The following NEGR1 variants were observed in gnomAD, a reference collection of about 807,000 sequenced individuals.
NEGR1 encodes IgLON family member 4.
Under a neutral mutation model 40.9 loss-of-function variants are expected in NEGR1, and 10 were observed. That is an observed-to-expected ratio of 0.24 (90% confidence interval 0.15 to 0.42). The LOEUF (loss-of-function observed/expected upper bound fraction) is 0.42, where lower values mean the gene tolerates loss of function less well. Ranked by LOEUF, NEGR1 falls within the 10% of genes least tolerant of loss-of-function variation. The pLI is 1.00. For synonymous variants in NEGR1, 185 were observed against 166.8 expected (o/e 1.11, Z -0.84); for missense variants, 352 against 438.9 (o/e 0.80, Z 1.77).
At chr1:71,900,297 T>C (rs1172762372) in intron 2 of NEGR1, among the ~76,000 whole-genome samples, 2 of 152,308 alleles carry the variant, frequency 1.3e-5, no homozygotes, top group East Asian at 3.9e-4. Flanking sequence ...TGCTTTTCCC[T>C]ATTAGTCTCT....
chr1:72,238,356 C>A (rs369486874), intron 1 of NEGR1, among the ~76,000 whole-genome samples: 20 of 151,890 alleles, frequency 1.3e-4, no homozygotes, highest in African/African-American at 4.3e-4. Context: ...AGTTTAAAAT[C>A]TTCCTTAATT....
intron 1 of NEGR1, among the ~76,000 whole-genome samples, chr1:72,161,676 C>CTTTT (rs779074685): frequency 8.2e-3 from 690 of 84,502 alleles, no homozygotes; most frequent in East Asian, 0.011. Flanking sequence ...TTCTTTCTTT[C>CTTTT]TTTTTTTTTT....
At chr1:72,035,887 A>G (rs1646897438) in intron 1 of NEGR1, among the ~76,000 whole-genome samples, 1 of 152,204 alleles carries the variant, frequency 6.6e-6, no homozygotes, top group African/African-American at 2.4e-5. Flanking sequence ...TTGAGAAGGT[A>G]GAATTAAGAT....
intron 2 of NEGR1, among the ~76,000 whole-genome samples, chr1:71,903,837 T>A (rs923548940): frequency 2.6e-4 from 39 of 151,500 alleles, no homozygotes; most frequent in Admixed American, 2.2e-3. Context: ...TATATATATA[T>A]AAAAAATGAT....
At chr1:71,698,787 T>C (rs186684324) in intron 3 of NEGR1, among the ~76,000 whole-genome samples, 105 of 151,976 alleles carry the variant, frequency 6.9e-4, no homozygotes, top group Middle Eastern at 3.4e-3. Context: ...TATTTTTAAA[T>C]ATGCATGGGA....
intron 6 of NEGR1, among the ~76,000 whole-genome samples, chr1:71,592,241 A>C (rs1649526466): frequency 6.6e-6 from 1 of 152,126 alleles, no homozygotes; most frequent in African/African-American, 2.4e-5. Flanking sequence ...TTTAGTCCTT[A>C]GGAAGTAAGA....
At chr1:71,597,807 G>A (rs1448756884) in intron 5 of NEGR1, among the ~76,000 whole-genome samples, 1 of 151,862 alleles carries the variant, frequency 6.6e-6, no homozygotes, top group East Asian at 1.9e-4. Context: ...CTGCTACTCG[G>A]AGGGCTGAGG....
At chr1:71,669,526 G>A (rs1652347663) in intron 4 of NEGR1, among the ~76,000 whole-genome samples, 1 of 152,104 alleles carries the variant, frequency 6.6e-6, no homozygotes, top group Non-Finnish European at 1.5e-5. Context: ...CAAGCTTGCA[G>A]CCTTGAATTA....
At chr1:72,270,248 A>G (rs564630136) in intron 1 of NEGR1, among the ~76,000 whole-genome samples, 1 of 151,884 alleles carries the variant, frequency 6.6e-6, no homozygotes, top group African/African-American at 2.4e-5. Context: ...CTGTGGATTC[A>G]ATCTGAATCA....
intron 4 of NEGR1, among the ~76,000 whole-genome samples, chr1:71,662,427 G>T (rs554710604): frequency 4.9e-4 from 75 of 152,198 alleles, no homozygotes; most frequent in African/African-American, 1.8e-3. Context: ...TCCTCCCTTT[G>T]TTGTAAACTT....
intron 3 of NEGR1, among the ~76,000 whole-genome samples, chr1:71,725,924 C>G (rs6424444): frequency 0.5 from 76,227 of 151,896 alleles, 19,502 homozygotes; most frequent in Middle Eastern, 0.63. Flanking sequence ...ACATAAGTGA[C>G]ATTTGTTTTT....
intron 1 of NEGR1, among the ~76,000 whole-genome samples, chr1:72,107,056 T>C (rs1378076455): frequency 6.6e-6 from 1 of 151,760 alleles, no homozygotes; most frequent in African/African-American, 2.4e-5. Flanking sequence ...TAGGTCTGTA[T>C]ACAATGATTT....
chr1:72,242,713 T>C (rs1654785932), intron 1 of NEGR1, among the ~76,000 whole-genome samples: 1 of 151,688 alleles, frequency 6.6e-6, no homozygotes, highest in South Asian at 2.1e-4. Context: ...TTTAATTTAA[T>C]CCCACCACAA....
At chr1:71,866,346 T>G (rs1427071385) in intron 2 of NEGR1, among the ~76,000 whole-genome samples, 1 of 152,200 alleles carries the variant, frequency 6.6e-6, no homozygotes, top group East Asian at 1.9e-4. Context: ...TTTGACATAA[T>G]GTTCCATAAC....
intron 6 of NEGR1, among the ~76,000 whole-genome samples, chr1:71,538,948 T>C (rs143347709): frequency 6.6e-6 from 1 of 151,822 alleles, no homozygotes; most frequent in Non-Finnish European, 1.5e-5. Flanking sequence ...TACTAATAGG[T>C]TATAATAGTT....
rs972263542 is a variant in NEGR1, at chr1:72,104,347, A to C, written c.177-169036T>G. ...TATAAGATAAAAGTAGTAAGGTCAG[A>C]GTCATTCATAGAAGGAGATGTGACC... On this transcript the variant is annotated intron_variant, in intron 1 of 6. Transcript: ENST00000357731. Among the ~76,000 whole-genome samples, 3 of 152,064 alleles carry C rather than the reference A, an allele frequency of 2.0e-5. No homozygotes were observed. The Middle Eastern group carries it at 0.01, about 521-fold the overall frequency.
chr1:72,212,617 C>T (rs764040666), intron 1 of NEGR1, among the ~76,000 whole-genome samples: 7 of 151,966 alleles, frequency 4.6e-5, no homozygotes, highest in Non-Finnish European at 7.4e-5. Flanking sequence ...ATAAACTATT[C>T]TGTCTAACCA....
chr1:71,641,085 T>C (rs978856947), intron 4 of NEGR1, among the ~76,000 whole-genome samples: 1 of 152,074 alleles, frequency 6.6e-6, no homozygotes, highest in Non-Finnish European at 1.5e-5. Context: ...ACTCAGACCA[T>C]GTTTCTGAGG....
chr1:71,838,203 A>G (rs1232735821), intron 2 of NEGR1, among the ~76,000 whole-genome samples: 5 of 152,146 alleles, frequency 3.3e-5, no homozygotes, highest in Admixed American at 2.0e-4. Flanking sequence ...TCACTTTTCA[A>G]GAAAATAAAA....
Sources: gnomAD v4.1 joint callset for allele counts (sites outside exome capture counted in the v4.1 genomes callset) on GRCh38, gnomAD v4.1.1 for gene constraint, MANE v1.5 for transcripts, NCBI Gene and HGNC (gene_info 2026-07-23, HGNC 2026-07-21) for gene names.